SACM1L: variants seen among roughly 807,000 people sequenced by gnomAD.
SACM1L encodes phosphatidylinositol-3-phosphatase SAC1.
SACM1L carries 32 observed loss-of-function variants against 89.5 expected under a neutral mutation model. The observed-to-expected ratio is 0.36, with a 90% CI of 0.27 to 0.48. The LOEUF (loss-of-function observed/expected upper bound fraction) is 0.48. Among genes scored for constraint, SACM1L ranks in the 20% least tolerant of loss-of-function variants. The pLI is 0.99. For synonymous variants in SACM1L, 213 were observed against 232.8 expected (o/e 0.92, Z 0.77); for missense variants, 543 against 708.5 (o/e 0.77, Z 2.65).
chr3:45,743,423 T>C (rs1699357789), intron 19 of SACM1L, 110 bp from the exon 20 acceptor site: 1 of 1,119,954 alleles, frequency 8.9e-7, no homozygotes, highest in African/African-American at 1.6e-5. Flanking sequence ...ATATTTTTCC[T>C]GTGAATGTGC....
chr3:45,718,879 T>G (rs924524787), intron 7 of SACM1L, among the ~76,000 whole-genome samples: 1 of 152,108 alleles, frequency 6.6e-6, no homozygotes, highest in Non-Finnish European at 1.5e-5. Flanking sequence ...TTATCAGTAG[T>G]AAGGGAAATA....
At chr3:45,731,988 GTAT>G (rs1699064711) in intron 12 of SACM1L, 62 bp from the exon 13 acceptor site, 2 of 914,608 alleles carry the variant, frequency 2.2e-6, no homozygotes, top group South Asian at 1.6e-5. Context: ...GCTTATGAAG[GTAT>G]TATTAATAGA....
In SACM1L at chr3:45,744,678, C is replaced by G. The variant is rs1185115230; in HGVS notation, c.*1009C>G. On this transcript the variant is annotated 3_prime_UTR_variant, in exon 20 of 20. Coordinates refer to ENST00000389061, the MANE Select transcript of SACM1L (RefSeq NM_014016.5). ...AGTGCTTCCAGGTAGTTATAGTACT[C>G]CAAATCAAGGACCAACTTAAACGTT... 1 of 152,580 alleles carries G rather than the reference C, an allele frequency of 6.6e-6. No homozygotes were observed. Among genetic ancestry groups the G allele is most frequent in the East Asian group, 1.9e-4 (1 of 5,196 alleles). The allele number at this position is 152,580 out of a possible 1,614,324, so 9.5% of individuals were successfully genotyped here. A position where few individuals can be genotyped will look rare whatever the true frequency, so the allele number is the denominator to read the frequency against.
At chr3:45,723,179 G>T (rs1294789372) in intron 10 of SACM1L, among the ~76,000 whole-genome samples, 1 of 152,108 alleles carries the variant, frequency 6.6e-6, no homozygotes, top group Admixed American at 6.6e-5. Flanking sequence ...GGCAAGTAAG[G>T]ATTTGAGAGA....
At chr3:45,740,811 G>T (rs531432757) in intron 19 of SACM1L, among the ~76,000 whole-genome samples, 1 of 151,824 alleles carries the variant, frequency 6.6e-6, no homozygotes, top group Non-Finnish European at 1.5e-5. Context: ...ATTGCTAATG[G>T]CTGCAAAGTA....
At chr3:45,701,266 T>C (rs1333332500) in intron 1 of SACM1L, among the ~76,000 whole-genome samples, 4 of 152,148 alleles carry the variant, frequency 2.6e-5, no homozygotes, top group Non-Finnish European at 4.4e-5. Context: ...GAAAAAGTTA[T>C]AGCCTTTAGA....
chr3:45,706,738 T>TA (rs1400831640), intron 3 of SACM1L, 42 bp from the exon 4 acceptor site: 2 of 1,514,530 alleles, frequency 1.3e-6, no homozygotes, highest in East Asian at 2.3e-5. Flanking sequence ...CCTTTAGAGT[T>TA]ACTATTTTTA....
In SACM1L at chr3:45,699,154, CAG is replaced by C. The variant is rs1206645170; in HGVS notation, c.33-4281_33-4280del. The stretch of plus-strand genomic sequence containing the variant: ...AAGTAGTATACAAAGCTTATAATAA[CAG>C]AGGCATCTACTTTTTTAAGCAACTT... On this transcript the variant is annotated intron_variant, in intron 1 of 19. Transcript: ENST00000389061. 2.6e-5 allele frequency among the ~76,000 whole-genome samples: 4 copies of C among 152,196 alleles called. No homozygotes were observed. The East Asian group carries it at 7.7e-4, about 29-fold the overall frequency.
At chr3:45,711,741 G>C (rs1698536963) in intron 5 of SACM1L, among the ~76,000 whole-genome samples, 1 of 152,170 alleles carries the variant, frequency 6.6e-6, no homozygotes, top group South Asian at 2.1e-4. Context: ...ACGGCCATAG[G>C]ATTTTCTTTG....
intron 3 of SACM1L, among the ~76,000 whole-genome samples, 200 bp downstream of exon 3, chr3:45,705,409 T>TA (rs924639872): frequency 6.6e-6 from 1 of 151,536 alleles, no homozygotes; most frequent in Admixed American, 6.6e-5. Context: ...TTCTATTATT[T>TA]AAAAAAAAGT....
chr3:45,727,901 A>G (rs1257611520), intron 11 of SACM1L, among the ~76,000 whole-genome samples: 1 of 152,118 alleles, frequency 6.6e-6, no homozygotes, highest in Non-Finnish European at 1.5e-5. Context: ...AGCCTCTACT[A>G]TTATTATATA....
intron 19 of SACM1L, among the ~76,000 whole-genome samples, chr3:45,741,343 A>T (rs562544049): frequency 4.6e-5 from 7 of 152,216 alleles, no homozygotes; most frequent in South Asian, 4.2e-4. Flanking sequence ...ATACATAGGG[A>T]GTTATTTTTC....
At position 45,709,657 on chromosome 3, in the gene SACM1L, A is replaced by G. The variant is rs749169443; in HGVS notation, c.483+10A>G. ...GAGTCTCTTGGAAAGGGTAAGCTTG[A>G]TCTTCAATTATTTTTATTTTTAGGT... On this transcript the variant is annotated intron_variant, in intron 5 of 19. Transcript: ENST00000389061. The G allele has an allele frequency of 6.3e-7, 1 of 1,586,924 alleles. No homozygotes were observed. Among genetic ancestry groups the G allele is most frequent in the Non-Finnish European group, 8.5e-7 (1 of 1,171,922 alleles).
At chr3:45,689,954 G>T in intron 1 of SACM1L, 1 of 176,650 alleles carries the variant, frequency 5.7e-6, no homozygotes. Context: ...CAGCCTATCT[G>T]GGTACCGAAG....
chr3:45,695,632 A>G (rs1456971085), intron 1 of SACM1L, among the ~76,000 whole-genome samples: 1 of 152,232 alleles, frequency 6.6e-6, no homozygotes, highest in Non-Finnish European at 1.5e-5. Flanking sequence ...TGTGGCTCCT[A>G]TGCAAAATAG....
intron 8 of SACM1L, among the ~76,000 whole-genome samples, chr3:45,721,264 A>G (rs938075698): frequency 3.9e-5 from 6 of 152,234 alleles, no homozygotes; most frequent in Non-Finnish European, 5.9e-5. Context: ...GCTCACGCCT[A>G]TAATCCCAGC....
At chr3:45,741,481 T>G (rs551684066) in intron 19 of SACM1L, among the ~76,000 whole-genome samples, 1 of 152,216 alleles carries the variant, frequency 6.6e-6, no homozygotes. Flanking sequence ...AGACTGTGTC[T>G]TACTCATTGT....
At chr3:45,736,705 G>A (rs1699205591) in intron 14 of SACM1L, among the ~76,000 whole-genome samples, 1 of 152,146 alleles carries the variant, frequency 6.6e-6, no homozygotes. Context: ...TACTTGACTA[G>A]GCTCTGCAAT....
At chr3:45,696,022 G>T (rs1009857333) in intron 1 of SACM1L, among the ~76,000 whole-genome samples, 13 of 147,752 alleles carry the variant, frequency 8.8e-5, no homozygotes, top group Admixed American at 8.1e-4. Flanking sequence ...TTTTGAGATG[G>T]AGTCTCGCTC....
Sources: gnomAD v4.1 joint callset for allele counts (sites outside exome capture counted in the v4.1 genomes callset) on GRCh38, gnomAD v4.1.1 for gene constraint, MANE v1.5 for transcripts, NCBI Gene and HGNC (gene_info 2026-07-23, HGNC 2026-07-21) for gene names.